Variants in CNTNAP2 observed in about 807,000 individuals in gnomAD.
The protein encoded by CNTNAP2 is contactin-associated protein-like 2.
CNTNAP2 carries 98 observed loss-of-function variants against 155.2 expected under a neutral mutation model. The ratio of observed to expected loss-of-function variants is 0.63; its 90% confidence interval spans 0.54 to 0.75. CNTNAP2 has a LOEUF of 0.75. Ranked by LOEUF, CNTNAP2 falls within the 30% of genes least tolerant of loss-of-function variation. CNTNAP2 has a pLI of 0.00. For missense variants in CNTNAP2, 1,727 were observed against 1,688.1 expected (o/e 1.02, Z -0.40); for synonymous variants, 651 against 631.2 (o/e 1.03, Z -0.47).
At chr7:146,442,366 A>G (rs185532865) in intron 1 of CNTNAP2, among the ~76,000 whole-genome samples, 1 of 151,838 alleles carries the variant, frequency 6.6e-6, no homozygotes, top group East Asian at 1.9e-4. Context: ...TCTAAATGTT[A>G]TGTGTGTTAG....
In CNTNAP2 at chr7:147,399,285, C is replaced by T. The variant is rs76004459; in HGVS notation, c.1670+3505C>T. 8.6e-3 allele frequency among the ~76,000 whole-genome samples: 1,305 copies of T among 152,228 alleles called. 21 individuals carry two copies. The highest frequency in any genetic ancestry group is 0.03 in the African/African-American group (1,250 of 41,534). ...GTTCTAAATAGAGCAACATGATGTA[C>T]TCACGTCTTAAAAGGATGAATCTGG... On this transcript the variant is annotated intron_variant, in intron 10 of 23. Coordinates refer to ENST00000361727, the MANE Select transcript of CNTNAP2 (RefSeq NM_014141.6).
intron 15 of CNTNAP2, among the ~76,000 whole-genome samples, chr7:148,009,347 G>GAATGCAT (rs1431155827): frequency 6.6e-6 from 1 of 152,166 alleles, no homozygotes; most frequent in African/African-American, 2.4e-5. Context: ...AGCGTCTACT[G>GAATGCAT]AATGCATATG....
intron 19 of CNTNAP2, among the ~76,000 whole-genome samples, chr7:148,224,333 C>A (rs534999388): frequency 2.0e-5 from 3 of 151,180 alleles, no homozygotes; most frequent in African/African-American, 7.2e-5. Flanking sequence ...AAGGAAAAAC[C>A]GAGTAAACAC....
chr7:147,531,947 C>T (rs536049212), intron 11 of CNTNAP2, among the ~76,000 whole-genome samples: 19 of 152,000 alleles, frequency 1.3e-4, no homozygotes, highest in African/African-American at 4.1e-4. Context: ...GCTGGGACTA[C>T]AGGTGCCTGC....
intron 1 of CNTNAP2, among the ~76,000 whole-genome samples, chr7:146,289,151 T>G (rs1484913123): frequency 6.6e-6 from 1 of 152,098 alleles, no homozygotes; most frequent in Non-Finnish European, 1.5e-5. Flanking sequence ...CTCAGACAAA[T>G]GAGAACCAAT....
chr7:147,041,673 T>C (rs574488881), intron 3 of CNTNAP2, among the ~76,000 whole-genome samples: 75 of 152,362 alleles, frequency 4.9e-4, no homozygotes, highest in African/African-American at 1.7e-3. Flanking sequence ...CCTTTTGCAA[T>C]ATCTTTTTAG....
At chr7:147,304,449 ACAG>A in intron 9 of CNTNAP2, among the ~76,000 whole-genome samples, 1 of 152,336 alleles carries the variant, frequency 6.6e-6, no homozygotes, top group Non-Finnish European at 1.5e-5. Context: ...TGGCTATGAG[ACAG>A]CAGTATGATT....
At chr7:146,807,787 T>C (rs943348443) in intron 2 of CNTNAP2, among the ~76,000 whole-genome samples, 1 of 152,024 alleles carries the variant, frequency 6.6e-6, no homozygotes, top group African/African-American at 2.4e-5. Context: ...GCTAAAAAAA[T>C]ATATATGTCT....
chr7:147,694,711 T>C (rs889490202), intron 13 of CNTNAP2, among the ~76,000 whole-genome samples: 4 of 152,174 alleles, frequency 2.6e-5, no homozygotes, highest in African/African-American at 9.6e-5. Context: ...AGTTGATGCC[T>C]TCTCTCTCCT....
intron 13 of CNTNAP2, among the ~76,000 whole-genome samples, chr7:147,797,222 ACTAT>A (rs1004981480): frequency 6.6e-6 from 1 of 152,136 alleles, no homozygotes; most frequent in African/African-American, 2.4e-5. Flanking sequence ...TGTAAAAAAA[ACTAT>A]CTGAGACACC....
intron 3 of CNTNAP2, among the ~76,000 whole-genome samples, chr7:146,867,162 C>G (rs1289383547): frequency 1.3e-5 from 2 of 152,006 alleles, no homozygotes; most frequent in Non-Finnish European, 2.9e-5. Context: ...CTATTCTTCT[C>G]CCTCTTCCAA....
chr7:147,079,485 C>T (rs1023323531), intron 4 of CNTNAP2, among the ~76,000 whole-genome samples: 4 of 151,598 alleles, frequency 2.6e-5, no homozygotes, highest in African/African-American at 9.7e-5. Context: ...AGGAGATATA[C>T]CTAATGCTAA....
intron 1 of CNTNAP2, among the ~76,000 whole-genome samples, chr7:146,352,976 G>C (rs372637387): frequency 1.1e-3 from 174 of 151,702 alleles, no homozygotes; most frequent in Middle Eastern, 6.8e-3. Context: ...GGATGGTCTC[G>C]ATCTCCTGAC....
chr7:147,189,211 T>G (rs1802629977), intron 8 of CNTNAP2, among the ~76,000 whole-genome samples: 1 of 152,214 alleles, frequency 6.6e-6, no homozygotes, highest in Admixed American at 6.5e-5. Context: ...GGACAAAATT[T>G]TATATTATAA....
intron 1 of CNTNAP2, among the ~76,000 whole-genome samples, chr7:146,460,136 A>C (rs1796615271): frequency 6.6e-6 from 1 of 152,206 alleles, no homozygotes; most frequent in African/African-American, 2.4e-5. Flanking sequence ...AATGTTGACA[A>C]CACCTGTGAT....
At chr7:146,936,873 GTC>G (rs1796926832) in intron 3 of CNTNAP2, among the ~76,000 whole-genome samples, 1 of 152,094 alleles carries the variant, frequency 6.6e-6, no homozygotes, top group South Asian at 2.1e-4. Context: ...CTGTACTAGA[GTC>G]TCTGTGAACC....
intron 3 of CNTNAP2, among the ~76,000 whole-genome samples, chr7:147,016,011 G>A (rs996271802): frequency 6.6e-6 from 1 of 152,064 alleles, no homozygotes; most frequent in African/African-American, 2.4e-5. Flanking sequence ...CTTTAACTGA[G>A]TACTTTAAAA....
intron 2 of CNTNAP2, among the ~76,000 whole-genome samples, chr7:146,795,307 C>T (rs538041219): frequency 5.3e-5 from 8 of 152,314 alleles, no homozygotes; most frequent in South Asian, 4.1e-4. Context: ...TTCTATGGCT[C>T]TCTTTTTGGC....
At chr7:146,901,032 A>AATC (rs1795981888) in intron 3 of CNTNAP2, among the ~76,000 whole-genome samples, 2 of 74,432 alleles carry the variant, frequency 2.7e-5, no homozygotes, top group South Asian at 7.9e-4. Flanking sequence ...TTAAAGTAGT[A>AATC]ATAATAATAA....
Sources: allele counts gnomAD v4.1 joint callset (sites outside exome capture counted in the v4.1 genomes callset), GRCh38; gene constraint gnomAD v4.1.1; transcripts MANE v1.5; gene names NCBI Gene and HGNC (gene_info 2026-07-23, HGNC 2026-07-21).